The following ESRRG variants were observed in gnomAD, a reference collection of about 807,000 sequenced individuals.
ESRRG encodes estrogen-related receptor gamma.
Under a neutral mutation model 44.0 loss-of-function variants are expected in ESRRG, and 13 were observed. The observed-to-expected ratio is 0.30, with a 90% confidence interval of 0.19 to 0.47. The LOEUF (loss-of-function observed/expected upper bound fraction) is 0.47. ESRRG is among the 20% of genes least tolerant of loss of function. The probability of loss-of-function intolerance (pLI) is 1.00; values close to 1 mark genes in which losing one functional copy is unlikely to be tolerated. For missense variants in ESRRG, 395 were observed against 580.6 expected (o/e 0.68, Z 3.29); for synonymous variants, 215 against 214.6 (o/e 1.00, Z -0.02).
intron 2 of ESRRG, among the ~76,000 whole-genome samples, chr1:216,736,418 C>T (rs778796486): frequency 5.3e-5 from 8 of 151,972 alleles, no homozygotes; most frequent in Non-Finnish European, 1.2e-4. Flanking sequence ...CTGCGGACCT[C>T]GTGATCCACC....
At chr1:216,776,509 G>A (rs6687061) in intron 2 of ESRRG, among the ~76,000 whole-genome samples, 1 of 152,038 alleles carries the variant, frequency 6.6e-6, no homozygotes, top group East Asian at 1.9e-4. Context: ...TACTCTCTGA[G>A]GGTTGGAACT....
chr1:216,685,248 TA>T (rs11287817), intron 1 of ESRRG, among the ~76,000 whole-genome samples: 33,545 of 146,260 alleles, frequency 0.23, 3,851 homozygotes, highest in Middle Eastern at 0.29. Context: ...TGAGATTTTA[TA>T]AAAAAAAAAA....
chr1:216,679,563 C>T (rs2076670116), intron 1 of ESRRG, among the ~76,000 whole-genome samples: 2 of 152,058 alleles, frequency 1.3e-5, no homozygotes, highest in African/African-American at 4.8e-5. Context: ...GAATTTCCCA[C>T]AGCTATGACA....
At chr1:216,680,598 T>C (rs1274592235) in intron 1 of ESRRG, among the ~76,000 whole-genome samples, 1 of 152,204 alleles carries the variant, frequency 6.6e-6, no homozygotes, top group African/African-American at 2.4e-5. Context: ...CCCTACTGCA[T>C]CACCCACCCA....
chr1:217,064,754 C>T (rs186592903), intron 1 of ESRRG, among the ~76,000 whole-genome samples: 16 of 152,164 alleles, frequency 1.1e-4, no homozygotes, highest in East Asian at 3.9e-4. Context: ...CAGAGAAGCC[C>T]GCTATGAGTA....
intron 3 of ESRRG, among the ~76,000 whole-genome samples, chr1:216,576,612 T>G (rs567957892): frequency 6.6e-6 from 1 of 152,174 alleles, no homozygotes; most frequent in Admixed American, 6.6e-5. Flanking sequence ...CTTCTATTTT[T>G]TTCCCCTCCA....
chr1:216,698,577 T>G (rs1288219798), intron 1 of ESRRG, among the ~76,000 whole-genome samples: 3 of 149,976 alleles, frequency 2.0e-5, no homozygotes, highest in Non-Finnish European at 4.4e-5. Context: ...TAGGTCCCCA[T>G]GCAAACTCTG....
chr1:216,724,136 T>A (rs1279160052), upstream of ESRRG, among the ~76,000 whole-genome samples: 1 of 152,186 alleles, frequency 6.6e-6, no homozygotes, highest in African/African-American at 2.4e-5. Flanking sequence ...GAGGAGATAG[T>A]GACAATACAA....
intron 2 of ESRRG, among the ~76,000 whole-genome samples, chr1:216,740,426 A>G (rs757568938): frequency 1.6e-4 from 24 of 152,276 alleles, no homozygotes; most frequent in Non-Finnish European, 3.2e-4. Context: ...GCACACACAC[A>G]CAGCAAAATC....
chr1:216,538,246 A>C (rs1370642558), intron 5 of ESRRG, among the ~76,000 whole-genome samples: 2 of 113,120 alleles, frequency 1.8e-5, no homozygotes. Context: ...GGTTTTTAAA[A>C]AATTAAAAAT....
chr1:216,629,047 C>T (rs1435214664), intron 3 of ESRRG, among the ~76,000 whole-genome samples: 2 of 152,212 alleles, frequency 1.3e-5, no homozygotes, highest in Admixed American at 6.5e-5. Flanking sequence ...TCTCACTTTG[C>T]ACATCACAAG....
chr1:216,714,353 T>C (rs2084328392), intron 1 of ESRRG, among the ~76,000 whole-genome samples: 1 of 152,086 alleles, frequency 6.6e-6, no homozygotes, highest in Admixed American at 6.6e-5. Context: ...AAACAGAAAT[T>C]GTAAAGGAAA....
At chr1:216,691,928 TCA>T (rs1285768361) in intron 1 of ESRRG, among the ~76,000 whole-genome samples, 1 of 152,170 alleles carries the variant, frequency 6.6e-6, no homozygotes, top group East Asian at 1.9e-4. Flanking sequence ...AATGTATTAC[TCA>T]CATGTTTTTG....
chr1:216,825,445 T>C (rs1477971627), intron 2 of ESRRG, among the ~76,000 whole-genome samples: 1 of 152,190 alleles, frequency 6.6e-6, no homozygotes, highest in Non-Finnish European at 1.5e-5. Flanking sequence ...TAAGGAGGTT[T>C]GCAAATGCAA....
intron 1 of ESRRG, among the ~76,000 whole-genome samples, chr1:217,072,375 CT>C (rs2090673289): frequency 6.6e-6 from 1 of 152,162 alleles, no homozygotes; most frequent in South Asian, 2.1e-4. Flanking sequence ...ACTTATAAGA[CT>C]TTTCTCATAA....
At chr1:216,817,182 C>T (rs1007597335) in intron 2 of ESRRG, among the ~76,000 whole-genome samples, 1 of 152,002 alleles carries the variant, frequency 6.6e-6, no homozygotes, top group Non-Finnish European at 1.5e-5. Context: ...GTGAAAAGAC[C>T]CTAGGAAATG....
chr1:216,731,831 T>C (rs962075646), intron 2 of ESRRG, among the ~76,000 whole-genome samples: 5 of 152,212 alleles, frequency 3.3e-5, no homozygotes, highest in African/African-American at 1.2e-4. Flanking sequence ...GCTATTTGGA[T>C]AACGAAAGTT....
rs2095573335 is a variant in ESRRG at position 216,836,861 on chromosome 1, G to C, written c.-14+102721C>G. On this transcript the variant is annotated intron_variant, in intron 2 of 7. Transcript: ENST00000359162. The stretch of plus-strand genomic sequence containing the variant: ...TAGATGGCTGAAATTGGTTTGAGTG[G>C]CAGAGACAAAAGAGGGGCAAAGCAG... 3.9e-5 allele frequency among the ~76,000 whole-genome samples: 6 copies of C among 152,168 alleles called. No individual in the cohort carries two copies. In the South Asian group the frequency reaches 1.2e-3, roughly 32 times the overall value.
At chr1:216,889,668 G>A (rs1182604168) in intron 2 of ESRRG, among the ~76,000 whole-genome samples, 2 of 152,104 alleles carry the variant, frequency 1.3e-5, no homozygotes, top group African/African-American at 2.4e-5. Flanking sequence ...ACAAAAGCAG[G>A]TATTTATAGT....
Sources: allele counts gnomAD v4.1 joint callset (sites outside exome capture counted in the v4.1 genomes callset), GRCh38; gene constraint gnomAD v4.1.1; transcripts MANE v1.5; gene names NCBI Gene and HGNC (gene_info 2026-07-23, HGNC 2026-07-21).